The following CIZ1 variants were observed in gnomAD, a reference collection of about 807,000 sequenced individuals.
CIZ1 encodes CDKN1A interacting zinc finger protein 1, also known as cip1-interacting zinc finger protein.
In CIZ1, 58 loss-of-function variants were observed where a neutral mutation model predicts 118.6. The observed-to-expected ratio is 0.49, with a 90% CI of 0.40 to 0.61. The LOEUF (loss-of-function observed/expected upper bound fraction) is 0.61, where lower values mean the gene tolerates loss of function less well. Among genes scored for constraint, CIZ1 ranks in the 20% least tolerant of loss-of-function variants. The pLI, the probability that CIZ1 is intolerant of heterozygous loss-of-function variation, is 0.00. For synonymous variants in CIZ1, 448 were observed against 443.4 expected (o/e 1.01, Z -0.13); for missense variants, 921 against 1,115.9 (o/e 0.83, Z 2.49).
intron 1 of CIZ1, 30 bp from the exon 2 acceptor site, chr9:128,190,892 G>A: frequency 6.6e-7 from 1 of 1,515,536 alleles, no homozygotes; most frequent in Non-Finnish European, 8.8e-7. Flanking sequence ...TGAGGCAAGG[G>A]GTCCCCACCA....
chr9:128,171,153 C>A (rs1403174435), intron 11 of CIZ1, among the ~76,000 whole-genome samples: 1 of 152,060 alleles, frequency 6.6e-6, no homozygotes, highest in Non-Finnish European at 1.5e-5. Flanking sequence ...AAAAGGGGGC[C>A]AGTCGCAGTG....
At chr9:128,176,527 G>A (rs1163186300) in intron 10 of CIZ1, 52 bp from the exon 11 acceptor site, 9 of 1,575,796 alleles carry the variant, frequency 5.7e-6, no homozygotes, top group Non-Finnish European at 6.9e-6. Context: ...CCAGAACAGT[G>A]GGCAAGGCTG....
At chr9:128,167,460 G>A (rs1829575699) in intron 14 of CIZ1, 1 of 391,820 alleles carries the variant, frequency 2.6e-6, no homozygotes, top group Non-Finnish European at 4.6e-6. Context: ...TGTGTCATTT[G>A]ACTGAATCCT....
At chr9:128,185,096 T>C (rs904939720) in intron 5 of CIZ1, among the ~76,000 whole-genome samples, 2 of 151,902 alleles carry the variant, frequency 1.3e-5, no homozygotes, top group Non-Finnish European at 2.9e-5. Flanking sequence ...CTGACCAACA[T>C]GGAGAAACCC....
At chr9:128,170,471 G>A (rs1829994971) in intron 11 of CIZ1, among the ~76,000 whole-genome samples, 1 of 152,212 alleles carries the variant, frequency 6.6e-6, no homozygotes, top group African/African-American at 2.4e-5. Flanking sequence ...GGGCAACATG[G>A]GGAAACCCCA....
intron 4 of CIZ1, 42 bp from the exon 5 acceptor site, chr9:128,185,818 C>A (rs760134134): frequency 2.1e-6 from 3 of 1,437,380 alleles, no homozygotes; most frequent in South Asian, 2.3e-5. Flanking sequence ...ACAATGTGGT[C>A]GGGTGGCAGA....
At chr9:128,196,912 CTATT>C (rs1833390892) in intron 1 of CIZ1, 1 of 152,232 alleles carries the variant, frequency 6.6e-6, no homozygotes, top group Non-Finnish European at 1.5e-5. Context: ...GCGAATGTCT[CTATT>C]TATTCAAGCC....
At chr9:128,173,963 G>A (rs45516697) in intron 11 of CIZ1, among the ~76,000 whole-genome samples, 2,853 of 151,698 alleles carry the variant, frequency 0.019, 34 homozygotes, top group Middle Eastern at 0.066. Context: ...CCGAGATCGC[G>A]CCACTGCACT....
At chr9:128,174,192 G>A (rs1356020597) in intron 11 of CIZ1, among the ~76,000 whole-genome samples, 1 of 152,152 alleles carries the variant, frequency 6.6e-6, no homozygotes, top group African/African-American at 2.4e-5. Flanking sequence ...ATGGGGAAAT[G>A]TATTTCCATG....
At chr9:128,177,542 C>CCCCCAAAAAA in intron 10 of CIZ1, 24 bp downstream of exon 10, 19 of 1,229,444 alleles carry the variant, frequency 1.5e-5, no homozygotes, top group South Asian at 3.5e-5. Context: ...CACCCCTCCC[C>CCCCCAAAAAA]ACCCTTATCT....
intron 1 of CIZ1, among the ~76,000 whole-genome samples, chr9:128,202,335 C>T (rs1257982507): frequency 1.3e-5 from 2 of 152,158 alleles, no homozygotes; most frequent in Admixed American, 1.3e-4. Context: ...CAGAGATGGA[C>T]GGCTGGGCTC....
Position 128,166,124 on chromosome 9 carries a change from G to C in CIZ1, c.*73C>G, listed in dbSNP as rs1829381270. On this transcript the variant is annotated 3_prime_UTR_variant, in exon 17 of 17. Coordinates refer to ENST00000372938, the MANE Select transcript of CIZ1 (RefSeq NM_001131016.2). The surrounding 1 kb of genome is among the most constrained non-coding windows in gnomAD (Gnocchi z 4.4). ...GAGTAAAAACATGAACCATGTCAAAGTTTCCAGGCAGACTCCTAAAAAGCA... is the reference window on the plus strand; with the variant it reads ...GAGTAAAAACATGAACCATGTCAAACTTTCCAGGCAGACTCCTAAAAAGCA... The C allele has an allele frequency of 9.1e-7, 1 of 1,099,930 alleles. No homozygotes were observed. Among genetic ancestry groups the C allele is most frequent in the African/African-American group, 1.6e-5 (1 of 62,716 alleles). The allele number at this position is 1,099,930 out of a possible 1,614,324, so 68.1% of individuals were successfully genotyped here.
intron 10 of CIZ1, among the ~76,000 whole-genome samples, chr9:128,176,917 G>A (rs1183833747): frequency 6.6e-6 from 1 of 151,852 alleles, no homozygotes; most frequent in Non-Finnish European, 1.5e-5. Flanking sequence ...TCTTTTTTTT[G>A]TTTCGTTTTG....
chr9:128,180,395 AG>A lies in CIZ1; in HGVS notation c.791+19del. The A allele has an allele frequency of 1.3e-6, 2 of 1,592,554 alleles. No homozygotes were observed. Among genetic ancestry groups the A allele is most frequent in the South Asian group, 1.1e-5 (1 of 90,396 alleles). ...AGCACAGGGCACCCGGGCGCAGGTC[AG>A]GTTTTCAGCATCAGTTACCTCCTCA... On this transcript the variant is annotated intron_variant, in intron 7 of 16. Transcript: ENST00000372938.
chr9:128,179,342 C>T lies in CIZ1; in HGVS notation c.865G>A (p.Val289Ile). ...VKAQPQARMT[V>I]PKQTQTPDLL... ...TCTGGTGTCTGTGTCTGTTTCGGTA[C>T]TGTCATCCGGGCCTGCGGCTGGGCC... is the stretch of plus-strand genomic sequence containing the variant. Residue 289 changes from valine (V) to isoleucine (I), a missense_variant, in exon 8 of 17, where the codon GTA (valine) becomes ATA (isoleucine). Coordinates refer to ENST00000372938, the MANE Select transcript of CIZ1 (RefSeq NM_001131016.2). 1 of 1,614,092 alleles carries T rather than the reference C, an allele frequency of 6.2e-7. No homozygotes were observed. The highest frequency in any genetic ancestry group is 8.5e-7 in the Non-Finnish European group (1 of 1,180,000).
At chr9:128,200,440 A>G (rs1030862789) in intron 1 of CIZ1, among the ~76,000 whole-genome samples, 24 of 151,846 alleles carry the variant, frequency 1.6e-4, no homozygotes, top group African/African-American at 5.8e-4. Context: ...CGGACAGATC[A>G]TGAGGTCAGG....
intron 7 of CIZ1, 55 bp from the exon 8 acceptor site, chr9:128,179,470 T>TC (rs1831291020): frequency 1.3e-6 from 2 of 1,503,858 alleles, no homozygotes; most frequent in Admixed American, 2.3e-5. Context: ...CCCCAGGGGC[T>TC]CCCAAGTAAG....
intron 1 of CIZ1, among the ~76,000 whole-genome samples, chr9:128,201,827 T>G (rs1424519206): frequency 1.3e-5 from 2 of 152,076 alleles, no homozygotes; most frequent in Non-Finnish European, 2.9e-5. Flanking sequence ...TCACGCAGCT[T>G]GTTTAAGGCC....
At position 128,178,335 on chromosome 9, in the gene CIZ1, G is replaced by A. The variant is rs748443356; in HGVS notation, c.1620+34C>T. Reference sequence around the variant, plus strand: ...CCATCCCACCCTGCTGGGCTCTGTGGCCCTCACACTGCCACATCAGGGCCT... The same window carrying A: ...CCATCCCACCCTGCTGGGCTCTGTGACCCTCACACTGCCACATCAGGGCCT... On this transcript the variant is annotated intron_variant, in intron 9 of 16. Transcript: ENST00000372938. The A allele has an allele frequency of 3.6e-5, 58 of 1,597,684 alleles. No homozygotes were observed. In the South Asian group the frequency reaches 6.4e-4, roughly 18 times the overall value.
Sources: allele counts gnomAD v4.1 joint callset (sites outside exome capture counted in the v4.1 genomes callset), GRCh38; gene constraint gnomAD v4.1.1; non-coding constraint Gnocchi (gnomAD v3.1); transcripts MANE v1.5; gene names NCBI Gene and HGNC (gene_info 2026-07-23, HGNC 2026-07-21).